Variants in DPP10 observed in about 807,000 individuals in gnomAD.
DPP10 encodes inactive dipeptidyl peptidase 10.
In DPP10, 33 loss-of-function variants were observed where a neutral mutation model predicts 120.9. The ratio of observed to expected loss-of-function variants is 0.27; its 90% CI spans 0.21 to 0.37. DPP10 has a LOEUF of 0.37. Ranked by LOEUF, DPP10 falls within the 10% of genes least tolerant of loss-of-function variation. The probability of loss-of-function intolerance (pLI) is 1.00; values close to 1 mark genes in which losing one functional copy is unlikely to be tolerated. For missense variants in DPP10, 816 were observed against 942.8 expected (o/e 0.87, Z 1.76); for synonymous variants, 337 against 326.1 (o/e 1.03, Z -0.36).
At chr2:114,583,157 T>C (rs1472891209) in intron 1 of DPP10, among the ~76,000 whole-genome samples, 1 of 152,236 alleles carries the variant, frequency 6.6e-6, no homozygotes, top group Admixed American at 6.5e-5. Flanking sequence ...ATATTTTGTT[T>C]ACAATTAGCT....
chr2:115,694,819 G>C (rs1050665958), intron 7 of DPP10, among the ~76,000 whole-genome samples: 1 of 152,156 alleles, frequency 6.6e-6, no homozygotes, highest in Non-Finnish European at 1.5e-5. Flanking sequence ...ACCTATCTTC[G>C]ACCCCAGCCC....
chr2:115,460,955 C>T (rs12185731), intron 3 of DPP10, among the ~76,000 whole-genome samples: 2,251 of 152,170 alleles, frequency 0.015, 58 homozygotes, highest in African/African-American at 0.051. Context: ...GACAATTTCT[C>T]GTTATATTTC....
At position 114,914,126 on chromosome 2, in the gene DPP10, G is replaced by A. The variant is rs373327074; in HGVS notation, c.61-395113G>A. On this transcript the variant is annotated intron_variant, in intron 1 of 25. Transcript: ENST00000410059. Reference sequence around the variant, plus strand: ...TGGCATCCTAGAAAGAGAAGGAGAGGCAAGCAACTTGTAAAACATATCTGA... The same window carrying A: ...TGGCATCCTAGAAAGAGAAGGAGAGACAAGCAACTTGTAAAACATATCTGA... Among the ~76,000 whole-genome samples, 115 of 152,230 alleles carry A rather than the reference G, an allele frequency of 7.6e-4. No individual in the cohort carries two copies. In the South Asian group the frequency reaches 0.013, roughly 17 times the overall value.
At chr2:115,030,552 G>A (rs993267808) in intron 1 of DPP10, among the ~76,000 whole-genome samples, 1 of 152,128 alleles carries the variant, frequency 6.6e-6, no homozygotes, top group Non-Finnish European at 1.5e-5. Flanking sequence ...TGTGTGCCAT[G>A]GTGGTTTGCT....
chr2:114,634,590 C>T (rs1324571958), intron 1 of DPP10, among the ~76,000 whole-genome samples: 3 of 151,892 alleles, frequency 2.0e-5, no homozygotes, highest in Admixed American at 6.6e-5. Flanking sequence ...GGTTTTATCA[C>T]TTGCTATCTG....
At chr2:114,716,290 G>T (rs753465578) in intron 1 of DPP10, among the ~76,000 whole-genome samples, 1 of 152,160 alleles carries the variant, frequency 6.6e-6, no homozygotes, top group Non-Finnish European at 1.5e-5. Context: ...TTTTGGTCAT[G>T]TATGACTTGG....
intron 1 of DPP10, among the ~76,000 whole-genome samples, chr2:115,086,065 G>A (rs898538970): frequency 7.9e-5 from 12 of 152,136 alleles, no homozygotes; most frequent in Non-Finnish European, 1.8e-4. Flanking sequence ...GCCATGTCTT[G>A]GAATGGCCCT....
chr2:114,513,136 A>G (rs1341196752), intron 1 of DPP10, among the ~76,000 whole-genome samples: 2 of 152,168 alleles, frequency 1.3e-5, no homozygotes, highest in African/African-American at 4.8e-5. Context: ...CCATTATCAC[A>G]TGAAACAATC....
At chr2:114,768,860 A>G (rs1443141125) in intron 1 of DPP10, among the ~76,000 whole-genome samples, 2 of 152,156 alleles carry the variant, frequency 1.3e-5, no homozygotes, top group Non-Finnish European at 2.9e-5. Context: ...TCATATTCAG[A>G]TAAATTTCAC....
At chr2:114,682,770 G>A (rs867320135) in intron 1 of DPP10, among the ~76,000 whole-genome samples, 57 of 149,598 alleles carry the variant, frequency 3.8e-4, no homozygotes, top group Middle Eastern at 3.4e-3. Flanking sequence ...CTATCTGTCT[G>A]TCTATCTATC....
At chr2:114,875,788 AAC>A (rs1475941685) in intron 1 of DPP10, among the ~76,000 whole-genome samples, 5 of 152,176 alleles carry the variant, frequency 3.3e-5, no homozygotes, top group Non-Finnish European at 7.4e-5. Flanking sequence ...GCTAATAGAA[AAC>A]AGTCATGTAT....
chr2:114,496,857 G>A (rs913103366), intron 1 of DPP10, among the ~76,000 whole-genome samples: 1 of 151,966 alleles, frequency 6.6e-6, no homozygotes, highest in Non-Finnish European at 1.5e-5. Flanking sequence ...AGGAATGTGA[G>A]CAAAACTGGA....
intron 1 of DPP10, among the ~76,000 whole-genome samples, chr2:114,655,877 A>G (rs1198920142): frequency 6.6e-6 from 1 of 152,092 alleles, no homozygotes; most frequent in Admixed American, 6.6e-5. Context: ...ATTATTTTTG[A>G]TTCTGCCGAG....
intron 1 of DPP10, among the ~76,000 whole-genome samples, chr2:115,083,907 G>A (rs1708484825): frequency 6.6e-6 from 1 of 152,136 alleles, no homozygotes; most frequent in South Asian, 2.1e-4. Flanking sequence ...AGTTAACATG[G>A]CAGGGATATA....
chr2:115,572,655 T>C (rs2081406885), intron 5 of DPP10, among the ~76,000 whole-genome samples: 1 of 152,208 alleles, frequency 6.6e-6, no homozygotes. Context: ...AGAGTCATCA[T>C]ACATATTCAT....
chr2:114,713,391 G>A (rs990233098), intron 1 of DPP10, among the ~76,000 whole-genome samples: 1 of 152,148 alleles, frequency 6.6e-6, no homozygotes, highest in African/African-American at 2.4e-5. Context: ...TTGCTGATAT[G>A]TATAGACAGA....
At chr2:114,930,404 A>G (rs1695979989) in intron 1 of DPP10, among the ~76,000 whole-genome samples, 1 of 152,230 alleles carries the variant, frequency 6.6e-6, no homozygotes, top group East Asian at 1.9e-4. Flanking sequence ...GCACCTTAGA[A>G]ATTTATTCTC....
chr2:115,095,642 C>T (rs1202163816), intron 1 of DPP10, among the ~76,000 whole-genome samples: 2 of 147,618 alleles, frequency 1.4e-5, no homozygotes, highest in Non-Finnish European at 3.0e-5. Context: ...TGCAGTGGCA[C>T]TATCTTGGCT....
intron 1 of DPP10, among the ~76,000 whole-genome samples, chr2:114,862,458 C>T (rs186823668): frequency 9.9e-5 from 15 of 152,172 alleles, no homozygotes; most frequent in Admixed American, 8.5e-4. Flanking sequence ...ATCTCACACT[C>T]GGGAAGCTGA....
Sources: gnomAD v4.1 joint callset for allele counts (sites outside exome capture counted in the v4.1 genomes callset) on GRCh38, gnomAD v4.1.1 for gene constraint, MANE v1.5 for transcripts, NCBI Gene and HGNC (gene_info 2026-07-23, HGNC 2026-07-21) for gene names.